Variants in PRTG observed in about 807,000 individuals in gnomAD.
PRTG encodes immunoglobulin superfamily, DCC subclass, member 5.
PRTG carries 67 observed loss-of-function variants against 122.5 expected under a neutral mutation model. The ratio of observed to expected loss-of-function variants is 0.55; its 90% CI spans 0.45 to 0.67. The LOEUF is 0.67. PRTG is among the 30% of genes least tolerant of loss of function. PRTG has a pLI of 0.00. For synonymous variants in PRTG, 554 were observed against 501.1 expected, an observed-to-expected ratio of 1.11 and a Z score of -1.41; for missense variants, 1,435 against 1,415.4, an observed-to-expected ratio of 1.01 and a Z score of -0.22.
rs115794434 is a variant in PRTG at position 55,740,242 on chromosome 15, T to C, written c.397+140A>G. ...CGTATTTTTTTCAGATTTCTCTATA[T>C]GCCTCAGTTAGCATCAACTATTATC... On this transcript the variant is annotated intron_variant, in intron 2 of 19. Transcript: ENST00000389286. 4.2e-6 allele frequency: 3 copies of C among 716,788 alleles called. No homozygotes were observed. In the South Asian group the frequency reaches 7.1e-5, roughly 17 times the overall value. The allele number at this position is 716,788 out of a possible 1,614,324, so 44.4% of individuals were successfully genotyped here. A position where few individuals can be genotyped will look rare whatever the true frequency, so the allele number is the denominator to read the frequency against.
intron 2 of PRTG, among the ~76,000 whole-genome samples, chr15:55,689,120 C>A (rs2059586397): frequency 1.3e-5 from 2 of 152,154 alleles, no homozygotes; most frequent in African/African-American, 4.8e-5. Flanking sequence ...CTTCCCTTCC[C>A]CTCTTCAAAA....
intron 2 of PRTG, among the ~76,000 whole-genome samples, chr15:55,697,434 T>C (rs1333086152): frequency 6.6e-6 from 1 of 152,200 alleles, no homozygotes; most frequent in African/African-American, 2.4e-5. Flanking sequence ...ACTTTGCCTC[T>C]TATCTCCCTC....
At chr15:55,644,068 G>T (rs1230051769) in intron 11 of PRTG, among the ~76,000 whole-genome samples, 1 of 151,632 alleles carries the variant, frequency 6.6e-6, no homozygotes, top group East Asian at 1.9e-4. Context: ...TGAACTCCTA[G>T]CCTCAAGCAA....
rs758162588 is a variant in PRTG at position 55,740,577 on chromosome 15, T to C, written c.202A>G (p.Ile68Val). The C allele has an allele frequency of 5.6e-6, 9 of 1,614,174 alleles. No individual in the cohort carries two copies. The South Asian group carries it at 7.7e-5, about 14-fold the overall frequency. ...CCATTTTTCAACCATGTGACCTTAA[T>C]AGGAACTTCTCCGTGAGCCTGGCAA... ...LDCQAHGEVP[I>V]KVTWLKNGAK... The change falls in exon 2 of 20, where the codon ATT becomes GTT. Residue 68 changes from isoleucine to valine, a missense_variant. Ile to Val is a conservative substitution (Grantham distance 29). Transcript: ENST00000389286.
rs545580461 is a variant in PRTG, at chr15:55,688,547, G to A, written c.398-4616C>T. Among the ~76,000 whole-genome samples, 13 of 152,194 alleles carry A rather than the reference G, an allele frequency of 8.5e-5. No homozygotes were observed. In the South Asian group the frequency reaches 2.7e-3, roughly 32 times the overall value. Reference sequence around the variant, plus strand: ...CATCTTCGCCTGGAGTTTATGAAAGGCACTCCAGGCCGCCGCAGTGGCTCA... The same window carrying A: ...CATCTTCGCCTGGAGTTTATGAAAGACACTCCAGGCCGCCGCAGTGGCTCA... On this transcript the variant is annotated intron_variant, in intron 2 of 19. Coordinates refer to ENST00000389286, the MANE Select transcript of PRTG (RefSeq NM_173814.6).
At chr15:55,695,826 C>A (rs1196138766) in intron 2 of PRTG, among the ~76,000 whole-genome samples, 4 of 152,130 alleles carry the variant, frequency 2.6e-5, no homozygotes, top group Non-Finnish European at 5.9e-5. Flanking sequence ...AAAAAATTAG[C>A]CAGGCATGGT....
At chr15:55,651,222 C>T (rs1352446782) in intron 11 of PRTG, among the ~76,000 whole-genome samples, 1 of 152,088 alleles carries the variant, frequency 6.6e-6, no homozygotes, top group African/African-American at 2.4e-5. Context: ...CCCCCCGCCC[C>T]CACAACTTCT....
intron 2 of PRTG, among the ~76,000 whole-genome samples, chr15:55,738,009 TA>T (rs2031476217): frequency 1.5e-5 from 1 of 65,440 alleles, no homozygotes; most frequent in African/African-American, 5.3e-5. Flanking sequence ...TCTCTATATA[TA>T]TATATATATA....
rs553024427 is a variant in PRTG, at chr15:55,703,252, A to G, written c.398-19321T>C. 5.9e-5 allele frequency among the ~76,000 whole-genome samples: 9 copies of G among 152,360 alleles called. No individual in the cohort carries two copies. The East Asian group carries it at 1.7e-3, about 29-fold the overall frequency. ...TTGTACATGCATCTATGCCACACTG[A>G]TATTTCTACTCTTCTAAAGCAGAGG... is the stretch of plus-strand genomic sequence containing the variant. On this transcript the variant is annotated intron_variant, in intron 2 of 19. Transcript: ENST00000389286.
intron 14 of PRTG, among the ~76,000 whole-genome samples, chr15:55,638,256 T>A (rs2059268980): frequency 6.6e-6 from 1 of 152,162 alleles, no homozygotes; most frequent in Non-Finnish European, 1.5e-5. Context: ...TACCGCCATT[T>A]AAAATTTTTT....
At chr15:55,639,880 G>A (rs748092062) in intron 12 of PRTG, 52 bp from the exon 13 acceptor site, 39 of 1,591,064 alleles carry the variant, frequency 2.5e-5, no homozygotes, top group Non-Finnish European at 3.2e-5. Context: ...TTTTAACATA[G>A]AAAGTGGTAA....
chr15:55,620,226 G>A lies in PRTG; in HGVS notation c.3239C>T (p.Pro1080Leu). 1 of 1,614,150 alleles carries A rather than the reference G, an allele frequency of 6.2e-7. No individual in the cohort carries two copies. Among genetic ancestry groups the A allele is most frequent in the East Asian group, 2.2e-5 (1 of 44,888 alleles). ...ATCACTGATTAATACAGTGGTGCCT[G>A]GCTGGTAAAAGCAGACCGCTGGAGT... ...RFTPAVCFYQ[P>L]GTTVLISDED... The change falls in exon 20 of 20, where the codon CCA (proline) becomes CTA (leucine). Residue 1080 changes from proline to leucine, a missense_variant. Transcript: ENST00000389286.
rs772039639 is a variant in PRTG, at chr15:55,620,658, G to A, written c.3198+5C>T. On this transcript the variant is annotated splice_donor_5th_base_variant and intron_variant, in intron 19 of 19. Coordinates refer to ENST00000389286, the MANE Select transcript of PRTG (RefSeq NM_173814.6). The stretch of plus-strand genomic sequence containing the variant: ...CCAAAAATTTTTCTCATTTAGATAG[G>A]TTACCTGCTCAACTTGTATCTTCTT... The A allele has an allele frequency of 6.3e-7, 1 of 1,578,224 alleles. No homozygotes were observed. Among genetic ancestry groups the A allele is most frequent in the Non-Finnish European group, 8.5e-7 (1 of 1,170,390 alleles).
intron 11 of PRTG, among the ~76,000 whole-genome samples, chr15:55,658,155 G>A (rs1039250867): frequency 2.0e-5 from 3 of 152,100 alleles, no homozygotes; most frequent in African/African-American, 7.2e-5. Context: ...AGGATGGTAT[G>A]GCTGTAGACT....
chr15:55,703,173 C>T (rs2029956879), intron 2 of PRTG, among the ~76,000 whole-genome samples: 2 of 152,114 alleles, frequency 1.3e-5, no homozygotes, highest in Non-Finnish European at 1.5e-5. Context: ...GATTAAACTA[C>T]AAAAATACAA....
chr15:55,666,194 G>C (rs556521646), intron 11 of PRTG, among the ~76,000 whole-genome samples: 1 of 152,182 alleles, frequency 6.6e-6, no homozygotes, highest in Non-Finnish European at 1.5e-5. Flanking sequence ...CTTTCTTCCC[G>C]GCTCACAGGT....
intron 11 of PRTG, among the ~76,000 whole-genome samples, chr15:55,652,193 C>T (rs1385298983): frequency 2.6e-5 from 4 of 152,008 alleles, no homozygotes; most frequent in Admixed American, 6.6e-5. Context: ...CATTAAAAAT[C>T]GTCGAATTAG....
chr15:55,682,322 A>G (rs1374879082), intron 4 of PRTG, 42 bp downstream of exon 4: 3 of 1,482,940 alleles, frequency 2.0e-6, no homozygotes, highest in African/African-American at 2.8e-5. Flanking sequence ...CAACTGCGCC[A>G]ATAAAACGTC....
intron 15 of PRTG, among the ~76,000 whole-genome samples, chr15:55,629,489 A>G (rs1299529593): frequency 5.3e-5 from 8 of 149,802 alleles, no homozygotes; most frequent in African/African-American, 2.0e-4. Flanking sequence ...AGGACATTTT[A>G]TTATGGAACA....
Sources: gnomAD v4.1 joint callset for allele counts (sites outside exome capture counted in the v4.1 genomes callset) on GRCh38, gnomAD v4.1.1 for gene constraint, MANE v1.5 for transcripts, NCBI Gene and HGNC (gene_info 2026-07-23, HGNC 2026-07-21) for gene names.